Variants in TRRAP observed in about 807,000 individuals in gnomAD.
TRRAP encodes the protein transformation/transcription domain associated protein, also known as transformation/transcription domain-associated protein.
In TRRAP, 41 loss-of-function variants were observed where a neutral mutation model predicts 438.8. That is an observed-to-expected ratio of 0.09 (90% CI 0.07 to 0.12). The LOEUF (loss-of-function observed/expected upper bound fraction) is 0.12. TRRAP is among the 10% of genes least tolerant of loss of function. The pLI, the probability that TRRAP is intolerant of heterozygous loss-of-function variation, is 1.00. For missense variants in TRRAP, 3,122 were observed against 5,055.1 expected, an observed-to-expected ratio of 0.62 and a Z score of 11.60; for synonymous variants, 1,994 against 1,962.9, an observed-to-expected ratio of 1.02 and a Z score of -0.42.
Position 98,946,456 on chromosome 7 carries a change from G to A in TRRAP, c.4548+506G>A, listed in dbSNP as rs545130265. On this transcript the variant is annotated intron_variant, in intron 33 of 72. Coordinates refer to ENST00000456197, the MANE Select transcript of TRRAP (RefSeq NM_001375524.1). ...ACACACACCGATGCACTCACAACAC[G>A]CGTGCACACAGACCACACGTGCACT... 9.0e-4 allele frequency among the ~76,000 whole-genome samples: 118 copies of A among 131,702 alleles called. 1 individual carries two copies. Among genetic ancestry groups the A allele is most frequent in the African/African-American group, 3.3e-3 (112 of 33,748 alleles). The allele number at this position is 131,702 out of a possible 152,430, so 86.4% of individuals were successfully genotyped here.
In TRRAP at chr7:98,921,881, C is replaced by A. The variant is rs782635754; in HGVS notation, c.2751C>A (p.Thr917=). 1.2e-6 allele frequency: 2 copies of A among 1,614,182 alleles called. No homozygotes were observed. Among genetic ancestry groups the A allele is most frequent in the Admixed American group, 3.3e-5 (2 of 60,012 alleles). ...KESQKLHYVV[T]EVQGPSITVE... is the part of the protein sequence containing the mutation. ...CGCAGAAGCTGCACTACGTTGTGAC[C>A]GAGGTTCAGGGCCCCAGCATCACTG... Residue 917 remains threonine (T), a synonymous_variant, in exon 21 of 73, where the codon ACC becomes ACA. Transcript: ENST00000456197.
chr7:98,906,097 A>G, intron 12 of TRRAP, 80 bp from the exon 13 acceptor site: 1 of 1,300,824 alleles, frequency 7.7e-7, no homozygotes, highest in Non-Finnish European at 1.1e-6. Flanking sequence ...CGGGCTGGCT[A>G]CTTCGAAAGC....
chr7:98,905,067 C>T (rs150296892), intron 12 of TRRAP, among the ~76,000 whole-genome samples: 34 of 152,282 alleles, frequency 2.2e-4, no homozygotes, highest in African/African-American at 7.5e-4. Flanking sequence ...GTAGTGGTCA[C>T]GCAATTTCAT....
intron 62 of TRRAP, among the ~76,000 whole-genome samples, chr7:98,985,624 A>G (rs1793116603): frequency 6.6e-6 from 1 of 152,208 alleles, no homozygotes; most frequent in Admixed American, 6.5e-5. Context: ...GAGATTTTGT[A>G]AATATCATGC....
In TRRAP at chr7:98,890,368, C is replaced by G; in HGVS notation, c.184C>G (p.Leu62Val). Reference protein sequence around the residue: ...VTSSPQYSTFLEHIIPRFLTF... With the variant: ...VTSSPQYSTFVEHIIPRFLTF... Reference sequence around the variant, plus strand: ...GTCATCTCCTCAGTATTCTACATTCCTAGAACATATCATCCCTCGATTCCT... The same window carrying G: ...GTCATCTCCTCAGTATTCTACATTCGTAGAACATATCATCCCTCGATTCCT... The change falls in exon 4 of 73, where the codon CTA becomes GTA. Residue 62 changes from leucine (L) to valine (V), a missense_variant. Around this residue, in one of 24 missense-constraint regions of TRRAP, gnomAD observed 343 missense variants for 564.0 expected, o/e 0.61. Transcript: ENST00000456197. 6.2e-7 allele frequency: 1 copy of G among 1,604,890 alleles called. No individual in the cohort carries two copies. The highest frequency in any genetic ancestry group is 8.5e-7 in the Non-Finnish European group (1 of 1,177,392).
chr7:98,890,664 GA>G (rs1361950501), intron 4 of TRRAP, among the ~76,000 whole-genome samples: 1 of 151,908 alleles, frequency 6.6e-6, no homozygotes, highest in Non-Finnish European at 1.5e-5. Flanking sequence ...TTTGCCAACT[GA>G]TGACATGTGT....
chr7:98,895,873 C>T, intron 7 of TRRAP, 53 bp downstream of exon 7: 5 of 1,426,478 alleles, frequency 3.5e-6, no homozygotes, highest in Non-Finnish European at 4.8e-6. Context: ...CTTCCTTATT[C>T]CAAAAAGACT....
intron 69 of TRRAP, among the ~76,000 whole-genome samples, chr7:99,007,921 G>T (rs1794263318): frequency 6.6e-6 from 1 of 151,030 alleles, no homozygotes; most frequent in Non-Finnish European, 1.5e-5. Context: ...TGACTCCCTG[G>T]TTCAGGTGAT....
At chr7:98,901,682 A>G (rs1159241443) in intron 11 of TRRAP, among the ~76,000 whole-genome samples, 1 of 152,134 alleles carries the variant, frequency 6.6e-6, no homozygotes, top group Non-Finnish European at 1.5e-5. Flanking sequence ...TCGAGTAGCT[A>G]GGATTACAGG....
In TRRAP at chr7:98,927,303, G is replaced by A. The variant is rs782747692; in HGVS notation, c.3112G>A (p.Ala1038Thr). ...SAVIKDLRPS[A>T]LPFVASLIRH... ...TGTCATTAAGGACCTGCGGCCCAGC[G>A]CCCTGCCCTTTGTCGCCAGCTTGAT... Residue 1038 changes from alanine (A) to threonine (T), a missense_variant, in exon 23 of 73, where the codon GCC becomes ACC. Ala to Thr is a moderately conservative substitution (Grantham distance 58). Coordinates refer to ENST00000456197, the MANE Select transcript of TRRAP (RefSeq NM_001375524.1). The A allele has an allele frequency of 6.2e-7, 1 of 1,614,132 alleles. No individual in the cohort carries two copies. The highest frequency in any genetic ancestry group is 8.5e-7 in the Non-Finnish European group (1 of 1,180,040).
chr7:98,961,620 AC>A, intron 46 of TRRAP, 146 bp downstream of exon 46: 5 of 1,009,634 alleles, frequency 5.0e-6, no homozygotes, highest in Non-Finnish European at 5.7e-6. Flanking sequence ...TTAAAAACTG[AC>A]ATGGAAACAT....
intron 20 of TRRAP, among the ~76,000 whole-genome samples, chr7:98,918,372 A>G (rs1394990626): frequency 6.6e-6 from 1 of 151,602 alleles, no homozygotes; most frequent in Non-Finnish European, 1.5e-5. Context: ...CTGGGACTAC[A>G]GACGCGTACC....
chr7:99,007,957 T>G (rs375091310), intron 69 of TRRAP, among the ~76,000 whole-genome samples: 1 of 151,676 alleles, frequency 6.6e-6, no homozygotes. Context: ...TCCTGAGTAG[T>G]TGGGATTACA....
chr7:98,927,922 T>C (rs1225071352), intron 23 of TRRAP, among the ~76,000 whole-genome samples: 1 of 152,120 alleles, frequency 6.6e-6, no homozygotes, highest in African/African-American at 2.4e-5. Context: ...TTCCGATCCA[T>C]TGTAGGTGAT....
chr7:98,893,487 G>A (rs1393158067), intron 5 of TRRAP, among the ~76,000 whole-genome samples: 2 of 152,174 alleles, frequency 1.3e-5, no homozygotes, highest in South Asian at 2.1e-4. Context: ...ATTCTTTCCT[G>A]GTCTTTTCAC....
rs2116398891 is a variant in TRRAP, at chr7:98,908,973, T to C, written c.1350+11T>C. On this transcript the variant is annotated intron_variant, in intron 14 of 72. Transcript: ENST00000456197. The surrounding 1 kb of genome is among the most constrained non-coding windows in gnomAD (Gnocchi z 4.1). Reference sequence around the variant, plus strand: ...ATGCGGATGCTGGAGGTACCAGCTCTTCTGAGAGTATCATCCATCCTGCAC... The same window carrying C: ...ATGCGGATGCTGGAGGTACCAGCTCCTCTGAGAGTATCATCCATCCTGCAC... 1 of 1,608,688 alleles carries C rather than the reference T, an allele frequency of 6.2e-7. No homozygotes were observed. Among genetic ancestry groups the C allele is most frequent in the East Asian group, 2.2e-5 (1 of 44,740 alleles).
rs373042115 is a variant in TRRAP, at chr7:98,953,202, C to T, written c.5499C>T (p.Asp1833=). ...LDPEKQADML[D]SLRIYLLQYA... Reference sequence around the variant, plus strand: ...CCGAGAAGCAGGCGGACATGCTGGACTCGCTGCGGATCTACCTGCTGCAGT... The same window carrying T: ...CCGAGAAGCAGGCGGACATGCTGGATTCGCTGCGGATCTACCTGCTGCAGT... The change falls in exon 40 of 73, where the codon GAC becomes GAT. Residue 1833 remains aspartate, a synonymous_variant. Transcript: ENST00000456197. 1 of 1,613,346 alleles carries T rather than the reference C, an allele frequency of 6.2e-7. No homozygotes were observed. Among genetic ancestry groups the T allele is most frequent in the African/African-American group, 1.3e-5 (1 of 74,914 alleles).
At chr7:99,000,201 G>A (rs916685631) in intron 67 of TRRAP, among the ~76,000 whole-genome samples, 5 of 152,068 alleles carry the variant, frequency 3.3e-5, no homozygotes, top group African/African-American at 1.2e-4. Flanking sequence ...TACAGGTGGG[G>A]TTTCACTACG....
At chr7:98,953,557 C>G in intron 40 of TRRAP, 124 bp downstream of exon 40, 1 of 1,369,918 alleles carries the variant, frequency 7.3e-7, no homozygotes, top group Non-Finnish European at 9.8e-7. Context: ...ACCATGAAAA[C>G]ACAGACACTG....
Sources: gnomAD v4.1 joint callset for allele counts (sites outside exome capture counted in the v4.1 genomes callset) on GRCh38, gnomAD v4.1.1 for gene constraint, gnomAD v4.1.1 regional missense constraint, Gnocchi (gnomAD v3.1) non-coding constraint, MANE v1.5 for transcripts, NCBI Gene and HGNC (gene_info 2026-07-23, HGNC 2026-07-21) for gene names.